The following P3H2 variants were observed in gnomAD, a reference collection of about 807,000 sequenced individuals.
P3H2 encodes leprecan-like 1.
A neutral mutation model predicts 87.0 loss-of-function variants in P3H2; 80 were observed. That is an observed-to-expected ratio of 0.92 (90% confidence interval 0.77 to 1.11). The LOEUF (loss-of-function observed/expected upper bound fraction) is 1.11. Ranked by LOEUF, P3H2 falls within the 50% of genes least tolerant of loss-of-function variation. The pLI is 0.00. For synonymous variants in P3H2, 367 were observed against 359.3 expected, an observed-to-expected ratio of 1.02 and a Z score of -0.24; for missense variants, 1,001 against 923.9, an observed-to-expected ratio of 1.08 and a Z score of -1.08.
At chr3:190,012,844 A>G (rs1477060672) in intron 1 of P3H2, among the ~76,000 whole-genome samples, 2 of 152,174 alleles carry the variant, frequency 1.3e-5, no homozygotes, top group Admixed American at 1.3e-4. Flanking sequence ...ACAGAAGATT[A>G]AGAGATTTTG....
chr3:190,052,659 A>T (rs1006506171), intron 1 of P3H2, among the ~76,000 whole-genome samples: 11 of 151,966 alleles, frequency 7.2e-5, no homozygotes, highest in Admixed American at 1.3e-4. Flanking sequence ...ATGTGTATAT[A>T]AGTATATATA....
intron 1 of P3H2, among the ~76,000 whole-genome samples, chr3:190,098,307 C>A (rs1489603104): frequency 6.6e-6 from 1 of 152,124 alleles, no homozygotes; most frequent in Admixed American, 6.6e-5. Flanking sequence ...TCTGTGGAAT[C>A]GCTCTTATTG....
intron 1 of P3H2, among the ~76,000 whole-genome samples, chr3:190,028,719 TTGAA>T (rs1425673362): frequency 6.6e-6 from 1 of 152,118 alleles, no homozygotes; most frequent in African/African-American, 2.4e-5. Flanking sequence ...TAATAATTGT[TTGAA>T]TGGAGACACT....
intron 1 of P3H2, among the ~76,000 whole-genome samples, chr3:190,029,889 C>A (rs970200071): frequency 2.6e-5 from 4 of 151,806 alleles, no homozygotes; most frequent in Non-Finnish European, 5.9e-5. Context: ...GTAATCCCAG[C>A]CATTCAGGAG....
chr3:190,031,238 C>T (rs1237588955), intron 1 of P3H2, among the ~76,000 whole-genome samples: 1 of 151,812 alleles, frequency 6.6e-6, no homozygotes, highest in Non-Finnish European at 1.5e-5. Context: ...GAAGATATAA[C>T]CAAAAAATGT....
At chr3:190,100,253 C>CT (rs1711570801) in intron 1 of P3H2, among the ~76,000 whole-genome samples, 1 of 131,378 alleles carries the variant, frequency 7.6e-6, no homozygotes, top group Non-Finnish European at 1.6e-5. Context: ...CCCCGCCGCC[C>CT]CCCCCCCCAA....
chr3:190,098,253 A>T (rs1390119510), intron 1 of P3H2, among the ~76,000 whole-genome samples: 1 of 152,180 alleles, frequency 6.6e-6, no homozygotes, highest in African/African-American at 2.4e-5. Flanking sequence ...CATTTTACAG[A>T]AGGAGAAACT....
intron 10 of P3H2, among the ~76,000 whole-genome samples, chr3:189,973,399 G>T (rs930387161): frequency 2.0e-5 from 3 of 151,424 alleles, no homozygotes; most frequent in African/African-American, 7.3e-5. Flanking sequence ...TTGATAAGTT[G>T]ATGGCTGAAC....
chr3:190,073,520 G>A (rs990842430), intron 1 of P3H2, among the ~76,000 whole-genome samples: 2 of 152,140 alleles, frequency 1.3e-5, no homozygotes, highest in African/African-American at 4.8e-5. Context: ...TAACCACCAA[G>A]GCCTAGAGTA....
chr3:190,102,635 C>G (rs1711671485), intron 1 of P3H2, among the ~76,000 whole-genome samples: 1 of 151,904 alleles, frequency 6.6e-6, no homozygotes, highest in African/African-American at 2.4e-5. Context: ...GTGGAAACTA[C>G]TCCTGGTGAA....
intron 1 of P3H2, among the ~76,000 whole-genome samples, chr3:190,062,930 G>A (rs560895032): frequency 1.3e-5 from 2 of 152,102 alleles, no homozygotes; most frequent in Admixed American, 1.3e-4. Flanking sequence ...CAAGAATGTG[G>A]AGCAGGCAGT....
chr3:189,980,658 A>C (rs1723504769), intron 8 of P3H2, among the ~76,000 whole-genome samples: 2 of 152,190 alleles, frequency 1.3e-5, no homozygotes, highest in African/African-American at 4.8e-5. Context: ...TAGGTATCTG[A>C]CGACTGGACA....
chr3:189,980,559 T>C (rs1577252275), intron 8 of P3H2, among the ~76,000 whole-genome samples: 1 of 150,194 alleles, frequency 6.7e-6, no homozygotes. Context: ...CGAGACTCCA[T>C]CTCAAAAAAA....
At chr3:190,089,244 A>G (rs1026722055) in intron 1 of P3H2, among the ~76,000 whole-genome samples, 1 of 152,230 alleles carries the variant, frequency 6.6e-6, no homozygotes, top group Non-Finnish European at 1.5e-5. Flanking sequence ...GGGGAGGGAT[A>G]GCATTAGGAG....
chr3:190,049,787 T>C (rs1725919372), intron 1 of P3H2, among the ~76,000 whole-genome samples: 1 of 152,178 alleles, frequency 6.6e-6, no homozygotes, highest in Admixed American at 6.5e-5. Context: ...GAATCAAAGT[T>C]ATCTGGTTCA....
At chr3:189,972,035 G>A (rs150468166) in intron 11 of P3H2, 28 bp from the exon 12 acceptor site, 9 of 1,361,276 alleles carry the variant, frequency 6.6e-6, no homozygotes, top group Admixed American at 1.7e-5. Context: ...AGGGAAGAAC[G>A]AGAAATGAAG....
intron 7 of P3H2, chr3:189,983,457 C>G: frequency 3.3e-6 from 1 of 300,646 alleles, no homozygotes; most frequent in Non-Finnish European, 6.3e-6. Flanking sequence ...CTTTATAATG[C>G]TCAGAGTGTC....
At chr3:190,009,010 T>C (rs1724481934) in intron 1 of P3H2, among the ~76,000 whole-genome samples, 1 of 152,158 alleles carries the variant, frequency 6.6e-6, no homozygotes, top group Admixed American at 6.5e-5. Flanking sequence ...TTCATGGGGA[T>C]CTTACTACAA....
intron 1 of P3H2, among the ~76,000 whole-genome samples, chr3:190,024,280 T>A (rs535465416): frequency 6.6e-6 from 1 of 152,146 alleles, no homozygotes; most frequent in South Asian, 2.1e-4. Flanking sequence ...GGCTCACACC[T>A]GTAATCCCAG....
Sources: gnomAD v4.1 joint callset for allele counts (sites outside exome capture counted in the v4.1 genomes callset) on GRCh38, gnomAD v4.1.1 for gene constraint, MANE v1.5 for transcripts, NCBI Gene and HGNC (gene_info 2026-07-23, HGNC 2026-07-21) for gene names.